The following PHACTR2 variants were observed in gnomAD, a reference collection of about 807,000 sequenced individuals.
The protein encoded by PHACTR2 is phosphatase and actin regulator 2.
In PHACTR2, 30 loss-of-function variants were observed where a neutral mutation model predicts 76.0. The ratio of observed to expected loss-of-function variants is 0.39; its 90% CI spans 0.30 to 0.54. The LOEUF (loss-of-function observed/expected upper bound fraction) is 0.54. Among genes scored for constraint, PHACTR2 ranks in the 20% least tolerant of loss-of-function variants. The probability of loss-of-function intolerance (pLI) is 0.61; values close to 1 mark genes in which losing one functional copy is unlikely to be tolerated. For synonymous variants in PHACTR2, 292 were observed against 292.5 expected, an observed-to-expected ratio of 1.00 and a Z score of 0.02; for missense variants, 696 against 781.1, an observed-to-expected ratio of 0.89 and a Z score of 1.30.
chr6:143,652,141 C>T lies in PHACTR2; in HGVS notation c.13+43819C>T, dbSNP rs1015136331. 4.6e-5 allele frequency among the ~76,000 whole-genome samples: 7 copies of T among 151,144 alleles called. No homozygotes were observed. Among genetic ancestry groups the T allele is most frequent in the Admixed American group, 1.3e-4 (2 of 15,194 alleles). On this transcript the variant is annotated intron_variant, in intron 1 of 11. Coordinates refer to the PHACTR2 transcript ENST00000305766. This position sits in a 1 kb window ranked among gnomAD's most constrained non-coding sequence, Gnocchi z 4.5. ...AAAATGATGGCGGTGATGGGGGAAC[C>T]GTTTACTAGGTACAACCACAAGATA...
rs116376727 is a variant in PHACTR2 at position 143,819,994 on chromosome 6, G to T, written c.1923-3680G>T. Among the ~76,000 whole-genome samples the T allele has an allele frequency of 3.0e-4, 46 of 152,284 alleles. No individual in the cohort carries two copies. Among genetic ancestry groups the T allele is most frequent in the African/African-American group, 1.1e-3 (45 of 41,552 alleles). On this transcript the variant is annotated intron_variant, in intron 12 of 12. Transcript: ENST00000440869. This position sits in a 1 kb window ranked among gnomAD's most constrained non-coding sequence, Gnocchi z 5.0. Reference sequence around the variant, plus strand: ...CCTCCAATCACGGCAGAAAGCGAAGGGGGAGCAGGCACATCACATGGCAAG... The same window carrying T: ...CCTCCAATCACGGCAGAAAGCGAAGTGGGAGCAGGCACATCACATGGCAAG...
At chr6:143,636,258 A>G (rs1776452469) in intron 1 of PHACTR2, among the ~76,000 whole-genome samples, 1 of 151,412 alleles carries the variant, frequency 6.6e-6, no homozygotes, top group African/African-American at 2.4e-5. Context: ...TGCTGCCTTT[A>G]TGGTTTCTTT....
intron 1 of PHACTR2, among the ~76,000 whole-genome samples, chr6:143,568,795 G>C (rs1013566618): frequency 6.6e-6 from 1 of 152,204 alleles, no homozygotes; most frequent in Non-Finnish European, 1.5e-5. Context: ...ATAGATCTAT[G>C]TTGACCTGAA....
In PHACTR2 at chr6:143,571,293, T is replaced by G. The variant is rs1437647472; in HGVS notation, c.217+34086T>G. Among the ~76,000 whole-genome samples, 1 of 152,244 alleles carries G rather than the reference T, an allele frequency of 6.6e-6. No individual in the cohort carries two copies. Among genetic ancestry groups the G allele is most frequent in the Non-Finnish European group, 1.5e-5 (1 of 68,032 alleles). ...TTATCATCCTTCTGCATTTATCAAT[T>G]GGAATTCTACTACAATGAAGAGCTA... On this transcript the variant is annotated intron_variant, in intron 1 of 11. Transcript: ENST00000367584. This position sits in a 1 kb window ranked among gnomAD's most constrained non-coding sequence, Gnocchi z 4.6.
At chr6:143,612,753 T>C (rs1431673845) in intron 1 of PHACTR2, among the ~76,000 whole-genome samples, 1 of 152,196 alleles carries the variant, frequency 6.6e-6, no homozygotes. Context: ...TCTAAAAAAC[T>C]TGATAAAAAA....
At chr6:143,693,385 G>A (rs543753287) in intron 1 of PHACTR2, among the ~76,000 whole-genome samples, 39 of 152,032 alleles carry the variant, frequency 2.6e-4, no homozygotes, top group African/African-American at 8.9e-4. Flanking sequence ...CTACAGGCAC[G>A]CACCACCACA....
At position 143,543,275 on chromosome 6, in the gene PHACTR2, G is replaced by A. The variant is rs1286911084; in HGVS notation, c.217+6068G>A. ...CTCTGAGACAGATATTAAAGCCGTG[G>A]ATTTATTCTGGCCCCTACGTACTGA... On this transcript the variant is annotated intron_variant, in intron 1 of 11. Transcript: ENST00000367584. The surrounding 1 kb of genome is among the most constrained non-coding windows in gnomAD (Gnocchi z 4.7). 6.6e-6 allele frequency among the ~76,000 whole-genome samples: 1 copy of A among 152,210 alleles called. No homozygotes were observed. The highest frequency in any genetic ancestry group is 1.5e-5 in the Non-Finnish European group (1 of 68,034).
At chr6:143,810,769 C>A (rs928069499) in intron 12 of PHACTR2, among the ~76,000 whole-genome samples, 1 of 151,576 alleles carries the variant, frequency 6.6e-6, no homozygotes, top group African/African-American at 2.4e-5. Context: ...GAAATGGAGG[C>A]TGCAGTGAGG....
chr6:143,665,398 C>T (rs981676120), intron 1 of PHACTR2, among the ~76,000 whole-genome samples: 1 of 152,166 alleles, frequency 6.6e-6, no homozygotes, highest in Non-Finnish European at 1.5e-5. Flanking sequence ...CCCTTGGCGA[C>T]ACATGGGATT....
At chr6:143,565,953 T>C (rs752273719) in intron 1 of PHACTR2, among the ~76,000 whole-genome samples, 6 of 151,884 alleles carry the variant, frequency 4.0e-5, no homozygotes, top group Non-Finnish European at 8.8e-5. Context: ...GTGTTGGAAA[T>C]AGAGGGTAGG....
chr6:143,582,728 A>T (rs942119779), intron 1 of PHACTR2, among the ~76,000 whole-genome samples: 1 of 152,238 alleles, frequency 6.6e-6, no homozygotes, highest in East Asian at 1.9e-4. Context: ...TAAGAGCAAG[A>T]TAAGAAAATG....
At chr6:143,584,351 T>G (rs1775603010) in intron 1 of PHACTR2, among the ~76,000 whole-genome samples, 2 of 152,218 alleles carry the variant, frequency 1.3e-5, no homozygotes, top group Admixed American at 1.3e-4. Flanking sequence ...GTCCCTCCAC[T>G]GTACAGACAG....
upstream of PHACTR2, among the ~76,000 whole-genome samples, chr6:143,675,974 A>G (rs368015379): frequency 6.6e-6 from 1 of 152,206 alleles, no homozygotes; most frequent in Non-Finnish European, 1.5e-5. The surrounding 1 kb of genome is among the most constrained non-coding windows in gnomAD (Gnocchi z 4.9). Flanking sequence ...TTCTATGTTC[A>G]TTAGTATAAC....
At chr6:143,574,884 C>A (rs1374869816) in intron 1 of PHACTR2, among the ~76,000 whole-genome samples, 3 of 152,148 alleles carry the variant, frequency 2.0e-5, no homozygotes, top group Non-Finnish European at 4.4e-5. Context: ...GCAACAACAA[C>A]AACAACCTCC....
At chr6:143,563,421 T>C (rs1775309169) in intron 1 of PHACTR2, among the ~76,000 whole-genome samples, 1 of 151,228 alleles carries the variant, frequency 6.6e-6, no homozygotes, top group African/African-American at 2.4e-5. Flanking sequence ...CCAGGCATGG[T>C]GGCACACACC....
chr6:143,667,179 G>A (rs535100999), intron 1 of PHACTR2, among the ~76,000 whole-genome samples: 1 of 152,312 alleles, frequency 6.6e-6, no homozygotes, highest in South Asian at 2.1e-4. Flanking sequence ...TCAGAGATCA[G>A]ATAGTTGTAG....
chr6:143,580,095 A>G lies in PHACTR2; in HGVS notation c.217+42888A>G, dbSNP rs894090422. 1.3e-5 allele frequency among the ~76,000 whole-genome samples: 2 copies of G among 152,198 alleles called. No individual in the cohort carries two copies. The highest frequency in any genetic ancestry group is 6.5e-5 in the Admixed American group (1 of 15,288). On this transcript the variant is annotated intron_variant, in intron 1 of 11. Coordinates refer to the PHACTR2 transcript ENST00000367584. This position sits in a 1 kb window ranked among gnomAD's most constrained non-coding sequence, Gnocchi z 4.2. ...AACATGACCACTGTCTTCTCTCAGCATGAGCCAGAAAGAAAATCAAGAGAG... is the reference window on the plus strand; with the variant it reads ...AACATGACCACTGTCTTCTCTCAGCGTGAGCCAGAAAGAAAATCAAGAGAG...
Position 143,543,370 on chromosome 6 carries a change from G to A in PHACTR2, c.217+6163G>A, listed in dbSNP as rs1458258742. 2.6e-5 allele frequency among the ~76,000 whole-genome samples: 4 copies of A among 152,204 alleles called. No individual in the cohort carries two copies. The highest frequency in any genetic ancestry group is 9.6e-5 in the African/African-American group (4 of 41,454). ...CTTTCAATCAACAAATGGCTAGTGAGCTAACACAAAGGTTGCAAAGACATC... is the reference window on the plus strand; with the variant it reads ...CTTTCAATCAACAAATGGCTAGTGAACTAACACAAAGGTTGCAAAGACATC... On this transcript the variant is annotated intron_variant, in intron 1 of 11. Coordinates refer to the PHACTR2 transcript ENST00000367584. The surrounding 1 kb of genome is among the most constrained non-coding windows in gnomAD (Gnocchi z 4.7).
At chr6:143,711,949 AT>A (rs1392563900) in intron 1 of PHACTR2, 66 bp from the exon 2 acceptor site, 2 of 1,380,164 alleles carry the variant, frequency 1.4e-6, no homozygotes, top group African/African-American at 1.4e-5. Flanking sequence ...CCAGGGACCA[AT>A]TGATGATGTG....
Sources: gnomAD v4.1 joint callset for allele counts (sites outside exome capture counted in the v4.1 genomes callset) on GRCh38, gnomAD v4.1.1 for gene constraint, Gnocchi (gnomAD v3.1) non-coding constraint, MANE v1.5 for transcripts, NCBI Gene and HGNC (gene_info 2026-07-23, HGNC 2026-07-21) for gene names.